Variants in ZNF142 observed in about 807,000 individuals in gnomAD.
The protein encoded by ZNF142 is zinc finger protein 142.
A neutral mutation model predicts 132.1 loss-of-function variants in ZNF142; 96 were observed. The ratio of observed to expected loss-of-function variants is 0.73; its 90% CI spans 0.62 to 0.86. ZNF142 has a LOEUF of 0.86. Ranked by LOEUF, ZNF142 falls within the 40% of genes least tolerant of loss-of-function variation. ZNF142 has a pLI of 0.00. For missense variants in ZNF142, 2,163 were observed against 2,336.2 expected, an observed-to-expected ratio of 0.93 and a Z score of 1.53; for synonymous variants, 842 against 890.1, an observed-to-expected ratio of 0.95 and a Z score of 0.96.
rs1289535097 is a variant in ZNF142 at position 218,642,010 on chromosome 2, C to T, written c.5088+18G>A. 1 of 1,607,434 alleles carries T rather than the reference C, an allele frequency of 6.2e-7. No homozygotes were observed. The highest frequency in any genetic ancestry group is 8.5e-7 in the Non-Finnish European group (1 of 1,175,490). On this transcript the variant is annotated intron_variant, in intron 9 of 10. Transcript: ENST00000411696. This position sits in a 1 kb window ranked among gnomAD's most constrained non-coding sequence, Gnocchi z 4.6. ...CCTGTGCTCCTTCCACTTCCTGCCC[C>T]ATATCCTCTGACATTACCTTGAGAC...
chr2:218,646,156 ATGTG>A lies in ZNF142; in HGVS notation c.2051+11_2051+14del. ...ATTCTTGGGATTGGGACGGAGGCCT[ATGTG>A]TGTGTTGTACCTGAGGTCCCCTGCA... On this transcript the variant is annotated intron_variant, in intron 8 of 10. Coordinates refer to ENST00000411696, the MANE Select transcript of ZNF142 (RefSeq NM_001379659.1). The A allele has an allele frequency of 6.2e-7, 1 of 1,610,744 alleles. No homozygotes were observed.
At position 218,634,133 on chromosome 2, in the gene ZNF142, G is replaced by T. The variant is rs774816594; in HGVS notation, c.*4206C>A. On this transcript the variant is annotated 3_prime_UTR_variant, in exon 11 of 11. Transcript: ENST00000411696. The surrounding 1 kb of genome is among the most constrained non-coding windows in gnomAD (Gnocchi z 4.0). Reference sequence around the variant, plus strand: ...ATGAGTTTGTGCAGCACAATACTTGGCAGTTAAGCCGTGTGTATCCCAGCG... The same window carrying T: ...ATGAGTTTGTGCAGCACAATACTTGTCAGTTAAGCCGTGTGTATCCCAGCG... 6.2e-7 allele frequency: 1 copy of T among 1,612,156 alleles called. No individual in the cohort carries two copies. The highest frequency in any genetic ancestry group is 1.3e-5 in the African/African-American group (1 of 75,022).
chr2:218,639,508 A>G (rs1575053386), intron 10 of ZNF142, among the ~76,000 whole-genome samples: 1 of 152,174 alleles, frequency 6.6e-6, no homozygotes, highest in Non-Finnish European at 1.5e-5. Flanking sequence ...ATTCATTTAA[A>G]CACAACGGCT....
At chr2:218,652,733 C>CT (rs34486341) in intron 4 of ZNF142, among the ~76,000 whole-genome samples, 101,776 of 151,996 alleles carry the variant, frequency 0.67, 34,616 homozygotes, top group East Asian at 0.94. Flanking sequence ...GGAGAATATC[C>CT]TTCTGAAAAT....
In ZNF142 at chr2:218,643,304, A is replaced by T; in HGVS notation, c.3812T>A (p.Leu1271Ter). The T allele has an allele frequency of 6.2e-7, 1 of 1,614,188 alleles. No homozygotes were observed. Among genetic ancestry groups the T allele is most frequent in the Non-Finnish European group, 8.5e-7 (1 of 1,180,024 alleles). Residue 1271 changes from leucine (L) to a stop codon, truncating the protein, a stop_gained, in exon 9 of 11, where the codon TTG becomes TAG. Transcript: ENST00000411696. LOFTEE classifies it high-confidence loss of function. ...CGGGGGAGCAGAGTCCCCATTGCTCAACGGGGACACATCAGGCTGGGTCTG... is the reference window on the plus strand; with the variant it reads ...CGGGGGAGCAGAGTCCCCATTGCTCTACGGGGACACATCAGGCTGGGTCTG... ...TPQTQPDVSP[L>*]SNGDSAPPKN...
At position 218,649,120 on chromosome 2, in the gene ZNF142, C is replaced by T. The variant is rs1251399864; in HGVS notation, c.1388G>A (p.Arg463His). ...GTGCTCCTTTAGGGCCTGGCTGAGG[C>T]GGAATTCCTCACGGCAGACAGGACA... ...YACPVCREEF[R>H]LSQALKEHLK... The change falls in exon 7 of 11, where the codon CGC becomes CAC. Residue 463 changes from arginine (R) to histidine (H), a missense_variant. Arg to His is a conservative substitution (Grantham distance 29). Around this residue, in one of 7 missense-constraint regions of ZNF142, gnomAD observed 749 missense variants for 830.3 expected, o/e 0.90. Transcript: ENST00000411696. 8.7e-6 allele frequency: 14 copies of T among 1,613,922 alleles called. 1 individual carries two copies. Among genetic ancestry groups the T allele is most frequent in the South Asian group, 4.4e-5 (4 of 91,088 alleles).
rs1231591757 is a variant in ZNF142 at position 218,652,005 on chromosome 2, G to C, written c.576C>G (p.Thr192=). 1.5e-6 allele frequency: 1 copy of C among 645,794 alleles called. No individual in the cohort carries two copies. Among genetic ancestry groups the C allele is most frequent in the Non-Finnish European group, 2.5e-6 (1 of 400,122 alleles). 40.0% of individuals were successfully genotyped at this position (645,794 alleles called of 1,614,324 possible). ...CACAGCCAGATTCTGGGCAGGAGAA[G>C]GTGTCAGGAGTGCCCCGGTGAATCT... ...HFKIHRGTPD[T]FSCPESGCVF... is the part of the protein sequence containing the mutation. The change falls in exon 5 of 11, where the codon ACC becomes ACG. Residue 192 remains threonine (T), a synonymous_variant. Transcript: ENST00000411696.
At position 218,644,441 on chromosome 2, in the gene ZNF142, C is replaced by T; in HGVS notation, c.2675G>A (p.Ser892Asn). Reference protein sequence around the residue: ...SPSPAEVEEGSCTLHLEALGV... With the variant: ...SPSPAEVEEGNCTLHLEALGV... ...CAGGGCCTCTAGGTGTAGTGTGCAG[C>T]TGCCCTCCTCCACCTCTGCTGGGCT... The change falls in exon 9 of 11, where the codon AGC (serine) becomes AAC (asparagine). Residue 892 changes from serine to asparagine, a missense_variant. This residue lies in a region of ZNF142 where 749 missense variants were observed against 830.3 expected (regional missense o/e 0.90). Transcript: ENST00000411696. This position sits in a 1 kb window ranked among gnomAD's most constrained non-coding sequence, Gnocchi z 4.6. 2 of 1,614,036 alleles carry T rather than the reference C, an allele frequency of 1.2e-6. No homozygotes were observed. The highest frequency in any genetic ancestry group is 1.7e-5 in the Admixed American group (1 of 60,026).
intron 7 of ZNF142, among the ~76,000 whole-genome samples, chr2:218,647,597 T>G (rs1270768592): frequency 1.3e-5 from 2 of 152,030 alleles, no homozygotes; most frequent in South Asian, 4.2e-4. Flanking sequence ...TCTGTTTCCT[T>G]GCCTCCAAAA....
chr2:218,651,069 C>G (rs1937943388), intron 5 of ZNF142, among the ~76,000 whole-genome samples: 1 of 151,442 alleles, frequency 6.6e-6, no homozygotes, highest in African/African-American at 2.4e-5. Flanking sequence ...TCACTGCAAC[C>G]TCCACCTCCT....
chr2:218,642,969 T>A lies in ZNF142; in HGVS notation c.4147A>T (p.Ser1383Cys), dbSNP rs1575062204. ...CGCCGGTGCTGCTGCATGCAACGGC[T>A]CTGTTTACAGGTGAAGCCACAGTCC... ...CGDCGFTCKQ[S>C]RCMQQHRRLK... Residue 1383 changes from serine (S) to cysteine (C), a missense_variant, in exon 9 of 11, where the codon AGC becomes TGC. Transcript: ENST00000411696. The surrounding 1 kb of genome is among the most constrained non-coding windows in gnomAD (Gnocchi z 4.6). 2 of 1,613,278 alleles carry A rather than the reference T, an allele frequency of 1.2e-6. No homozygotes were observed. The highest frequency in any genetic ancestry group is 1.7e-6 in the Non-Finnish European group (2 of 1,179,806).
In ZNF142 at chr2:218,643,059, G is replaced by A. The variant is rs2106210759; in HGVS notation, c.4057C>T (p.His1353Tyr). ...GCAGTGGGGTGCCTCCGCTTCTGGT[G>A]GAGCCTTAAGGCAGTGGCAGCAGGA... ...TAPAATALRL[H>Y]QKRRHPTAAP... is the part of the protein sequence containing the mutation. Residue 1353 changes from histidine (H) to tyrosine (Y), a missense_variant, in exon 9 of 11, where the codon CAC becomes TAC. Around this residue, in one of 7 missense-constraint regions of ZNF142, gnomAD observed 809 missense variants for 801.7 expected, o/e 1.01. Coordinates refer to ENST00000411696, the MANE Select transcript of ZNF142 (RefSeq NM_001379659.1). 7 of 1,600,500 alleles carry A rather than the reference G, an allele frequency of 4.4e-6. No individual in the cohort carries two copies. The East Asian group carries it at 6.7e-5, about 15-fold the overall frequency.
intron 9 of ZNF142, among the ~76,000 whole-genome samples, chr2:218,641,208 G>A (rs1170358849): frequency 6.6e-6 from 1 of 151,096 alleles, no homozygotes; most frequent in Non-Finnish European, 1.5e-5. Context: ...CAAAGTGCTA[G>A]GATTACAGGC....
In ZNF142 at chr2:218,643,749, T is replaced by C. The variant is rs371861935; in HGVS notation, c.3367A>G (p.Ser1123Gly). 2 of 1,610,348 alleles carry C rather than the reference T, an allele frequency of 1.2e-6. No individual in the cohort carries two copies. The highest frequency in any genetic ancestry group is 1.3e-5 in the African/African-American group (1 of 74,720). The change falls in exon 9 of 11, where the codon AGT (serine) becomes GGT (glycine). Residue 1123 changes from serine to glycine, a missense_variant. This residue lies in a region of ZNF142 where 809 missense variants were observed against 801.7 expected (regional missense o/e 1.01). Coordinates refer to ENST00000411696, the MANE Select transcript of ZNF142 (RefSeq NM_001379659.1). Reference protein sequence around the residue: ...PGTQASEDTESGKPPPASQEA... With the variant: ...PGTQASEDTEGGKPPPASQEA... ...TGTGATGCAGGTGGGGGCTTCCCAC[T>C]TTCTGTGTCCTCTGAGGCCTGGGTA...
chr2:218,654,713 G>A (rs1207298624), intron 4 of ZNF142, among the ~76,000 whole-genome samples: 2 of 151,678 alleles, frequency 1.3e-5, no homozygotes, highest in East Asian at 3.9e-4. Flanking sequence ...GTGAGATTAA[G>A]CATCCTTCCA....
intron 3 of ZNF142, among the ~76,000 whole-genome samples, chr2:218,658,138 G>A (rs1938754137): frequency 6.6e-6 from 1 of 152,176 alleles, no homozygotes; most frequent in Admixed American, 6.5e-5. Flanking sequence ...TGCATACCCT[G>A]TTATACATGG....
rs989615734 is a variant in ZNF142, at chr2:218,645,027, C to T, written c.2089G>A (p.Ala697Thr). ...AGCTTGTGGCTGCTCAGCTGATCAG[C>T]CCGGTGACAGCGATAGGAGCACTGG... is the stretch of plus-strand genomic sequence containing the variant. ...CNQCSYRCHR[A>T]DQLSSHKLRH... Residue 697 changes from alanine to threonine, a missense_variant, in exon 9 of 11, where the codon GCT becomes ACT. By Grantham distance (58) the Ala-to-Thr change is moderately conservative. Transcript: ENST00000411696. 6.2e-7 allele frequency: 1 copy of T among 1,613,656 alleles called. No individual in the cohort carries two copies. Among genetic ancestry groups the T allele is most frequent in the Non-Finnish European group, 8.5e-7 (1 of 1,179,808 alleles).
At chr2:218,657,064 C>T (rs775868504) in intron 3 of ZNF142, among the ~76,000 whole-genome samples, 1 of 152,102 alleles carries the variant, frequency 6.6e-6, no homozygotes, top group Non-Finnish European at 1.5e-5. Flanking sequence ...GTGATCTGCC[C>T]GTTTTGGCCT....
At position 218,646,272 on chromosome 2, in the gene ZNF142, G is replaced by C. The variant is rs1697722460; in HGVS notation, c.1950C>G (p.Thr650=). ...DVSYLSKHML[T]HSNTKDYMCT... ...ACATGTAATCCTTGGTGTTGGAGTGGGTCAGCATGTGCTTGGATAGGTAGC... is the reference window on the plus strand; with the variant it reads ...ACATGTAATCCTTGGTGTTGGAGTGCGTCAGCATGTGCTTGGATAGGTAGC... The change falls in exon 8 of 11, where the codon ACC becomes ACG. Residue 650 remains threonine, a synonymous_variant. Coordinates refer to ENST00000411696, the MANE Select transcript of ZNF142 (RefSeq NM_001379659.1). 6.2e-7 allele frequency: 1 copy of C among 1,614,150 alleles called. No homozygotes were observed. The highest frequency in any genetic ancestry group is 8.5e-7 in the Non-Finnish European group (1 of 1,180,038).
Sources: allele counts gnomAD v4.1 joint callset (sites outside exome capture counted in the v4.1 genomes callset), GRCh38; gene constraint gnomAD v4.1.1; regional missense constraint gnomAD v4.1.1; non-coding constraint Gnocchi (gnomAD v3.1); transcripts MANE v1.5; gene names NCBI Gene and HGNC (gene_info 2026-07-23, HGNC 2026-07-21).